Variants in F5 observed in about 807,000 individuals in gnomAD.
The protein encoded by F5 is activated protein c cofactor.
F5 carries 138 observed loss-of-function variants against 216.4 expected under a neutral mutation model. That is an observed-to-expected ratio of 0.64 (90% CI 0.56 to 0.73). F5 has a LOEUF of 0.73. F5 is among the 30% of genes least tolerant of loss of function. F5 has a pLI of 0.00. For missense variants in F5, 2,403 were observed against 2,674.0 expected (o/e 0.90, Z 2.24); for synonymous variants, 916 against 930.7 (o/e 0.98, Z 0.29).
intron 16 of F5, 108 bp from the exon 17 acceptor site, chr1:169,528,202 T>G: frequency 1.4e-6 from 2 of 1,398,360 alleles, no homozygotes; most frequent in Non-Finnish European, 2.0e-6. Context: ...CTCATGATTC[T>G]GCATTCCCAG....
In F5 at chr1:169,528,232, G is replaced by A; in HGVS notation, c.5420-138C>T. On this transcript the variant is annotated intron_variant, in intron 16 of 24. Coordinates refer to ENST00000367797, the MANE Select transcript of F5 (RefSeq NM_000130.5). ...TCCCAGGCCTACCTAGCCATGGAAA[G>A]GGCCCTCTTGTATGTCACATTAGTG... 3 of 1,031,124 alleles carry A rather than the reference G, an allele frequency of 2.9e-6. No individual in the cohort carries two copies. In the South Asian group the frequency reaches 4.2e-5, roughly 14 times the overall value. The allele number at this position is 1,031,124 out of a possible 1,614,324, so 63.9% of individuals were successfully genotyped here. A position where few individuals can be genotyped will look rare whatever the true frequency, so the allele number is the denominator to read the frequency against.
chr1:169,529,517 C>A, intron 16 of F5, 91 bp downstream of exon 16: 1 of 1,192,348 alleles, frequency 8.4e-7, no homozygotes, highest in Non-Finnish European at 1.2e-6. Flanking sequence ...AGAAGCATCT[C>A]ATGTCTAATC....
Position 169,542,860 on chromosome 1 carries a change from A to G in F5, c.2230T>C (p.Leu744=), listed in dbSNP as rs1659901675. The G allele has an allele frequency of 6.2e-7, 1 of 1,614,184 alleles. No individual in the cohort carries two copies. Among genetic ancestry groups the G allele is most frequent in the Non-Finnish European group, 8.5e-7 (1 of 1,180,002 alleles). ...LGIRSFRNSS[L]NQEEEEFNLT... ...TTGAACTCTTCTTCTTCCTGATTCA[A>G]TGATGAGTTTCGGAATGACCTGATT... Residue 744 remains leucine (L), a synonymous_variant, in exon 13 of 25, where the codon TTG becomes CTG. Transcript: ENST00000367797.
intron 14 of F5, among the ~76,000 whole-genome samples, chr1:169,531,774 T>C (rs1659600392): frequency 6.6e-6 from 1 of 152,016 alleles, no homozygotes; most frequent in Admixed American, 6.6e-5. Context: ...GTCAGACCCA[T>C]GAAGCTCCTC....
At chr1:169,578,156 C>G (rs1660906695) in intron 2 of F5, among the ~76,000 whole-genome samples, 1 of 152,190 alleles carries the variant, frequency 6.6e-6, no homozygotes, top group South Asian at 2.1e-4. Flanking sequence ...AGATACCACT[C>G]CTGCACTTCA....
chr1:169,543,734 C>T (rs916251152), intron 12 of F5, among the ~76,000 whole-genome samples: 4 of 152,188 alleles, frequency 2.6e-5, no homozygotes, highest in Admixed American at 2.0e-4. Flanking sequence ...GAGTGCTAGG[C>T]ACTTGGCGCA....
In F5 at chr1:169,512,712, G is replaced by A. The variant is rs2187952; in HGVS notation, c.*1601C>T. Reference sequence around the variant, plus strand: ...GAAAAGAAAGGAATAGTGGGAATACGAATATTAGAAAGCCAATGTTTTGTG... The same window carrying A: ...GAAAAGAAAGGAATAGTGGGAATACAAATATTAGAAAGCCAATGTTTTGTG... On this transcript the variant is annotated 3_prime_UTR_variant, in exon 25 of 25. Transcript: ENST00000367797. Among the ~76,000 whole-genome samples the A allele has an allele frequency of 0.26, 38,958 of 151,944 alleles. 5,117 individuals carry two copies. Among genetic ancestry groups the A allele is most frequent in the Admixed American group, 0.35 (5,272 of 15,232 alleles).
rs9332619 is a variant in F5 at position 169,531,110 on chromosome 1, G to A, written c.4972-88C>T. 0.26 allele frequency: 248,223 copies of A among 958,494 alleles called. 34,396 individuals carry two copies. Among genetic ancestry groups the A allele is most frequent in the Admixed American group, 0.39 (22,274 of 57,228 alleles). 59.4% of individuals were successfully genotyped at this position (958,494 alleles called of 1,614,324 possible). Reference sequence around the variant, plus strand: ...TCAGCATTATAAGTCAAAATGGCTGGTTATAAAATCGGAGCTAAGATATAA... The same window carrying A: ...TCAGCATTATAAGTCAAAATGGCTGATTATAAAATCGGAGCTAAGATATAA... On this transcript the variant is annotated intron_variant, in intron 14 of 24. Transcript: ENST00000367797.
chr1:169,524,786 G>T, intron 19 of F5, 51 bp downstream of exon 19: 1 of 1,419,288 alleles, frequency 7.0e-7, no homozygotes, highest in African/African-American at 1.4e-5. Flanking sequence ...TAGGCTGCAT[G>T]CTGCACAACT....
chr1:169,544,706 T>C (rs1206916137), intron 11 of F5, among the ~76,000 whole-genome samples, 198 bp from the exon 12 acceptor site: 2 of 152,230 alleles, frequency 1.3e-5, no homozygotes, highest in Non-Finnish European at 2.9e-5. Context: ...TCTCCTAAAT[T>C]AGCCAAAGGA....
At position 169,512,877 on chromosome 1, in the gene F5, A is replaced by G. The variant is rs9332678; in HGVS notation, c.*1436T>C. On this transcript the variant is annotated 3_prime_UTR_variant, in exon 25 of 25. Transcript: ENST00000367797. Reference sequence around the variant, plus strand: ...CCTTATGCAGTTCCCTTCTACACTGAATCGAGACTGGCCTGTAATTTGTGT... The same window carrying G: ...CCTTATGCAGTTCCCTTCTACACTGGATCGAGACTGGCCTGTAATTTGTGT... Among the ~76,000 whole-genome samples the G allele has an allele frequency of 2.0e-5, 3 of 152,088 alleles. No homozygotes were observed. The highest frequency in any genetic ancestry group is 4.8e-5 in the African/African-American group (2 of 41,514).
intron 1 of F5, among the ~76,000 whole-genome samples, chr1:169,585,814 A>G (rs1406596912): frequency 3.3e-5 from 5 of 152,238 alleles, no homozygotes; most frequent in Non-Finnish European, 7.3e-5. Context: ...TAGACAATGG[A>G]ATAAATAATA....
Position 169,542,987 on chromosome 1 carries a change from A to G in F5, c.2103T>C (p.Ser701=). The part of the protein sequence containing the change: ...DSYEIFEPPE[S]TVMATRKMHD... ...GCATTTTCCGTGTAGCCATGACTGTAGATTCTGGAGGTTCAAAAATCTCAT... is the reference window on the plus strand; with the variant it reads ...GCATTTTCCGTGTAGCCATGACTGTGGATTCTGGAGGTTCAAAAATCTCAT... Residue 701 remains serine (S), a synonymous_variant, in exon 13 of 25, where the codon TCT becomes TCC. Coordinates refer to ENST00000367797, the MANE Select transcript of F5 (RefSeq NM_000130.5). 1 of 1,614,080 alleles carries G rather than the reference A, an allele frequency of 6.2e-7. No homozygotes were observed. Among genetic ancestry groups the G allele is most frequent in the Non-Finnish European group, 8.5e-7 (1 of 1,179,968 alleles).
chr1:169,515,552 G>A lies in F5; in HGVS notation c.6420C>T (p.Gly2140=), dbSNP rs759734191. 3.1e-6 allele frequency: 5 copies of A among 1,613,370 alleles called. No homozygotes were observed. In the African/African-American group the frequency reaches 6.7e-5, roughly 22 times the overall value. Residue 2140 remains glycine, a synonymous_variant, in exon 24 of 25, where the codon GGC becomes GGT. Coordinates refer to ENST00000367797, the MANE Select transcript of F5 (RefSeq NM_000130.5). ...ACATTTCAGAGGACAGAGACTTGCA[G>A]CCCTGTGTTATAATTGCCGTTATCT... ...IKKITAIITQ[G]CKSLSSEMYV...
chr1:169,580,076 T>C (rs1008264819), intron 2 of F5, among the ~76,000 whole-genome samples: 3 of 152,162 alleles, frequency 2.0e-5, no homozygotes, highest in Admixed American at 1.3e-4. Flanking sequence ...TGTGCCTTGG[T>C]TTAAAATGCA....
intron 4 of F5, 49 bp downstream of exon 4, chr1:169,560,505 G>T: frequency 6.3e-7 from 1 of 1,581,884 alleles, no homozygotes; most frequent in South Asian, 1.1e-5. Context: ...CAGAACTCCT[G>T]ACCATTCCAA....
chr1:169,544,263 G>C (rs1397244007), intron 12 of F5, 33 bp downstream of exon 12: 3 of 1,592,568 alleles, frequency 1.9e-6, no homozygotes, highest in Admixed American at 1.7e-5. Flanking sequence ...TTCAAAGCAA[G>C]CTTCCTCTGT....
intron 1 of F5, 73 bp from the exon 2 acceptor site, chr1:169,582,595 ATC>A (rs2101847148): frequency 2.6e-6 from 2 of 763,954 alleles, no homozygotes; most frequent in Non-Finnish European, 4.4e-6. Context: ...AAAAAAGTAG[ATC>A]TCTCATATCT....
At chr1:169,566,916 T>A (rs1380210347) in intron 3 of F5, among the ~76,000 whole-genome samples, 1 of 152,032 alleles carries the variant, frequency 6.6e-6, no homozygotes, top group Non-Finnish European at 1.5e-5. Context: ...ATAAGATAGA[T>A]CTTAAGTGTG....
Sources: allele counts gnomAD v4.1 joint callset (sites outside exome capture counted in the v4.1 genomes callset), GRCh38; gene constraint gnomAD v4.1.1; transcripts MANE v1.5; gene names NCBI Gene and HGNC (gene_info 2026-07-23, HGNC 2026-07-21).